NFASC: variants seen among roughly 807,000 people sequenced by gnomAD.
NFASC encodes the protein neurofascin.
In NFASC, 43 loss-of-function variants were observed where a neutral mutation model predicts 147.5. The observed-to-expected ratio is 0.29, with a 90% CI of 0.23 to 0.38. The LOEUF (loss-of-function observed/expected upper bound fraction) is 0.38, where lower values mean the gene tolerates loss of function less well. Ranked by LOEUF, NFASC falls within the 10% of genes least tolerant of loss-of-function variation. The pLI is 1.00. For missense variants in NFASC, 1,320 were observed against 1,689.0 expected, an observed-to-expected ratio of 0.78 and a Z score of 3.83; for synonymous variants, 622 against 665.5, an observed-to-expected ratio of 0.93 and a Z score of 1.01.
chr1:204,894,388 C>T (rs968039809), intron 1 of NFASC, among the ~76,000 whole-genome samples: 1 of 152,196 alleles, frequency 6.6e-6, no homozygotes, highest in Non-Finnish European at 1.5e-5. Flanking sequence ...CTTCCATACT[C>T]ATTTTTAGGG....
intron 2 of NFASC, among the ~76,000 whole-genome samples, chr1:204,924,860 C>T (rs972116286): frequency 2.0e-5 from 3 of 152,084 alleles, no homozygotes; most frequent in African/African-American, 4.8e-5. Context: ...AAGGGCCAAT[C>T]GTTTATTTTG....
intron 27 of NFASC, among the ~76,000 whole-genome samples, chr1:205,006,965 G>A (rs911620812): frequency 1.4e-5 from 1 of 73,008 alleles, no homozygotes; most frequent in Non-Finnish European, 5.4e-5. Context: ...TTAAGGAGGT[G>A]GAGGTCAGCT....
At chr1:204,831,199 T>C (rs1434585036) in intron 1 of NFASC, among the ~76,000 whole-genome samples, 1 of 152,018 alleles carries the variant, frequency 6.6e-6, no homozygotes, top group Non-Finnish European at 1.5e-5. Flanking sequence ...TTCCCAGTTT[T>C]GTGCAATGAA....
intron 1 of NFASC, among the ~76,000 whole-genome samples, chr1:204,834,240 G>C (rs1673053583): frequency 6.6e-6 from 1 of 152,022 alleles, no homozygotes; most frequent in Non-Finnish European, 1.5e-5. Context: ...AAGGCATGAG[G>C]GGCCTTCAAC....
At chr1:204,964,237 A>G (rs1299164566) in intron 8 of NFASC, among the ~76,000 whole-genome samples, 1 of 152,218 alleles carries the variant, frequency 6.6e-6, no homozygotes, top group African/African-American at 2.4e-5. Context: ...TGTTGTGAAG[A>G]TTAAACAGGA....
At chr1:204,845,926 T>C (rs933783292) in intron 1 of NFASC, among the ~76,000 whole-genome samples, 1 of 152,000 alleles carries the variant, frequency 6.6e-6, no homozygotes, top group African/African-American at 2.4e-5. Flanking sequence ...CTCATGAGGT[T>C]ATGGCTCCAC....
intron 17 of NFASC, 152 bp from the exon 18 acceptor site, chr1:204,978,816 G>A (rs2095459856): frequency 5.3e-6 from 3 of 566,752 alleles, no homozygotes; most frequent in Non-Finnish European, 9.4e-6. Flanking sequence ...TGTGGGAAGG[G>A]AGTGGTCCCT....
At chr1:204,877,103 A>T (rs2079174178) in intron 1 of NFASC, among the ~76,000 whole-genome samples, 1 of 138,276 alleles carries the variant, frequency 7.2e-6, no homozygotes, top group Non-Finnish European at 1.5e-5. Flanking sequence ...ATATATTTAT[A>T]TATAAATAAT....
At chr1:204,830,182 G>A (rs1403816658) in intron 1 of NFASC, among the ~76,000 whole-genome samples, 1 of 152,210 alleles carries the variant, frequency 6.6e-6, no homozygotes, top group Non-Finnish European at 1.5e-5. Flanking sequence ...CTGGGCCTCA[G>A]TCAAATCTCC....
chr1:204,839,584 A>G (rs867033738), intron 1 of NFASC, among the ~76,000 whole-genome samples: 5 of 152,264 alleles, frequency 3.3e-5, no homozygotes, highest in African/African-American at 1.2e-4. Flanking sequence ...CCATGCCTGC[A>G]GTGACAGAGC....
chr1:204,929,926 T>G (rs553158125), intron 2 of NFASC, among the ~76,000 whole-genome samples: 13 of 152,182 alleles, frequency 8.5e-5, no homozygotes, highest in African/African-American at 3.1e-4. Flanking sequence ...CACGGCTGGG[T>G]CACCATCTGT....
chr1:204,987,441 C>G lies in NFASC; in HGVS notation c.2494C>G (p.Arg832Gly). Residue 832 changes from arginine (R) to glycine (G), a missense_variant, in exon 22 of 30, where the codon CGA (arginine) becomes GGA (glycine). By Grantham distance (125) the Arg-to-Gly change is moderately radical. Coordinates refer to ENST00000339876, the MANE Select transcript of NFASC (RefSeq NM_001005388.3). The surrounding 1 kb of genome is among the most constrained non-coding windows in gnomAD (Gnocchi z 4.4). ...EDLPSAPRRF[R>G]VRQPNLETIN... is the part of the protein sequence containing the mutation. ...AGTACCCAGTGCCCCTAGGCGTTTCCGAGTCCGGCAGCCCAACCTGGAGAC... is the reference window on the plus strand; with the variant it reads ...AGTACCCAGTGCCCCTAGGCGTTTCGGAGTCCGGCAGCCCAACCTGGAGAC... 6.2e-7 allele frequency: 1 copy of G among 1,614,042 alleles called. No homozygotes were observed. Among genetic ancestry groups the G allele is most frequent in the Non-Finnish European group, 8.5e-7 (1 of 1,179,964 alleles).
intron 15 of NFASC, 82 bp from the exon 16 acceptor site, chr1:204,976,589 A>G (rs1357802559): frequency 1.9e-6 from 2 of 1,044,904 alleles, no homozygotes; most frequent in Admixed American, 2.2e-5. Flanking sequence ...TGACTCGAGA[A>G]CCCCCTCTAG....
intron 27 of NFASC, among the ~76,000 whole-genome samples, chr1:205,003,697 G>GA (rs1276892886): frequency 4.6e-5 from 7 of 152,178 alleles, no homozygotes; most frequent in African/African-American, 7.2e-5. Flanking sequence ...TAGCGGAGGG[G>GA]AAAAAACACA....
At chr1:204,976,974 C>T in intron 16 of NFASC, 179 bp downstream of exon 16, 1 of 1,375,664 alleles carries the variant, frequency 7.3e-7, no homozygotes, top group Non-Finnish European at 9.4e-7. Flanking sequence ...TCAGAACAAG[C>T]TGTGCTGGAC....
chr1:204,975,179 G>A lies in NFASC; in HGVS notation c.1559-92G>A. ...GTGCCCCACTCCATAGTTGGCCCAA[G>A]GCCTCGAGGGCAGACATATGCCACT... On this transcript the variant is annotated intron_variant, in intron 14 of 29. Transcript: ENST00000339876. This position sits in a 1 kb window ranked among gnomAD's most constrained non-coding sequence, Gnocchi z 4.0. The A allele has an allele frequency of 7.0e-7, 1 of 1,430,942 alleles. No homozygotes were observed. Among genetic ancestry groups the A allele is most frequent in the Non-Finnish European group, 9.5e-7 (1 of 1,053,516 alleles). 88.6% of individuals were successfully genotyped at this position (1,430,942 alleles called of 1,614,324 possible).
intron 1 of NFASC, among the ~76,000 whole-genome samples, chr1:204,871,794 G>T (rs775403436): frequency 2.0e-5 from 3 of 152,188 alleles, no homozygotes; most frequent in Non-Finnish European, 4.4e-5. Context: ...GCCCACACAG[G>T]CTTATGTCAC....
rs1248203406 is a variant in NFASC at position 204,968,666 on chromosome 1, T to C, written c.819-132T>C. ...AGCATCCTCCTCTGCACAGGAAAGATCAGCTTTTAGAGGACATGCATCCTC... is the reference window on the plus strand; with the variant it reads ...AGCATCCTCCTCTGCACAGGAAAGACCAGCTTTTAGAGGACATGCATCCTC... On this transcript the variant is annotated intron_variant, in intron 9 of 29. Coordinates refer to ENST00000339876, the MANE Select transcript of NFASC (RefSeq NM_001005388.3). The surrounding 1 kb of genome is among the most constrained non-coding windows in gnomAD (Gnocchi z 5.4). 1 of 777,978 alleles carries C rather than the reference T, an allele frequency of 1.3e-6. No individual in the cohort carries two copies. Among genetic ancestry groups the C allele is most frequent in the African/African-American group, 1.8e-5 (1 of 57,004 alleles). The allele number at this position is 777,978 out of a possible 1,614,324, so 48.2% of individuals were successfully genotyped here. A position where few individuals can be genotyped will look rare whatever the true frequency, so the allele number is the denominator to read the frequency against.
chr1:204,954,974 T>G lies in NFASC; in HGVS notation c.535+23T>G. 1 of 1,607,194 alleles carries G rather than the reference T, an allele frequency of 6.2e-7. No homozygotes were observed. The highest frequency in any genetic ancestry group is 1.1e-5 in the South Asian group (1 of 90,990). On this transcript the variant is annotated intron_variant, in intron 7 of 29. Transcript: ENST00000339876. This position sits in a 1 kb window ranked among gnomAD's most constrained non-coding sequence, Gnocchi z 5.7. ...GCTGTGAGTCTTGGGGGCCTGGTGTTGTGTTTATATCTTAACCTTAGGGGG... is the reference window on the plus strand; with the variant it reads ...GCTGTGAGTCTTGGGGGCCTGGTGTGGTGTTTATATCTTAACCTTAGGGGG...
Sources: allele counts gnomAD v4.1 joint callset (sites outside exome capture counted in the v4.1 genomes callset), GRCh38; gene constraint gnomAD v4.1.1; non-coding constraint Gnocchi (gnomAD v3.1); transcripts MANE v1.5; gene names NCBI Gene and HGNC (gene_info 2026-07-23, HGNC 2026-07-21).